Variants in ANKRD44 observed in about 807,000 individuals in gnomAD.
ANKRD44 encodes the protein ankyrin repeat domain 44.
A neutral mutation model predicts 116.0 loss-of-function variants in ANKRD44; 35 were observed. The ratio of observed to expected loss-of-function variants is 0.30; its 90% CI spans 0.23 to 0.40. ANKRD44 has a LOEUF of 0.40. ANKRD44 is among the 10% of genes least tolerant of loss of function. ANKRD44 has a pLI of 1.00. For missense variants in ANKRD44, 1,014 were observed against 1,242.6 expected (o/e 0.82, Z 2.77); for synonymous variants, 435 against 461.8 (o/e 0.94, Z 0.74).
At chr2:197,306,397 T>C (rs2084075941) in intron 1 of ANKRD44, among the ~76,000 whole-genome samples, 1 of 152,064 alleles carries the variant, frequency 6.6e-6, no homozygotes, top group Non-Finnish European at 1.5e-5. Context: ...ACCACCTACC[T>C]CCTAGTGTGG....
intron 16 of ANKRD44, among the ~76,000 whole-genome samples, chr2:197,059,283 G>A (rs1189705456): frequency 6.6e-6 from 1 of 152,136 alleles, no homozygotes; most frequent in East Asian, 1.9e-4. Flanking sequence ...ATTTGCAATG[G>A]AAAAAGTACA....
intron 21 of ANKRD44, among the ~76,000 whole-genome samples, chr2:196,970,484 C>T (rs1197930111): frequency 2.0e-5 from 3 of 152,096 alleles, no homozygotes; most frequent in East Asian, 1.9e-4. Flanking sequence ...TTTGATGGCT[C>T]TTATTGGAGC....
At chr2:197,210,965 G>A (rs2081311052) in intron 1 of ANKRD44, among the ~76,000 whole-genome samples, 2 of 152,088 alleles carry the variant, frequency 1.3e-5, no homozygotes. Context: ...GTTTACCTGG[G>A]GATCACACAC....
chr2:197,070,128 T>C (rs953231784), intron 16 of ANKRD44, among the ~76,000 whole-genome samples: 3 of 152,224 alleles, frequency 2.0e-5, no homozygotes, highest in Non-Finnish European at 4.4e-5. Flanking sequence ...TTATGACTTC[T>C]AGGATTTTTT....
intron 16 of ANKRD44, among the ~76,000 whole-genome samples, chr2:197,076,171 A>G (rs1401774353): frequency 1.3e-5 from 2 of 152,202 alleles, no homozygotes; most frequent in African/African-American, 2.4e-5. Context: ...CAAATAACCT[A>G]TGAAGAGCTA....
intron 1 of ANKRD44, among the ~76,000 whole-genome samples, chr2:197,265,451 T>C (rs1208387496): frequency 1.3e-5 from 2 of 152,138 alleles, no homozygotes; most frequent in Admixed American, 1.3e-4. Context: ...TTCACCATGT[T>C]GGCCAGGCTG....
chr2:197,065,444 A>G (rs1427958155), intron 16 of ANKRD44, among the ~76,000 whole-genome samples: 1 of 152,240 alleles, frequency 6.6e-6, no homozygotes, highest in Non-Finnish European at 1.5e-5. Flanking sequence ...AGAAATAACT[A>G]AGATCAGAGC....
intron 1 of ANKRD44, among the ~76,000 whole-genome samples, chr2:197,283,969 T>A (rs2083335474): frequency 6.6e-6 from 1 of 152,222 alleles, no homozygotes; most frequent in African/African-American, 2.4e-5. Context: ...AGGTACCAGA[T>A]ACAGAGAGAT....
At chr2:197,225,102 G>T (rs1310519454) in intron 1 of ANKRD44, among the ~76,000 whole-genome samples, 1 of 152,134 alleles carries the variant, frequency 6.6e-6, no homozygotes, top group Non-Finnish European at 1.5e-5. Flanking sequence ...GATTTACTAT[G>T]ACCCACTTCT....
intron 9 of ANKRD44, among the ~76,000 whole-genome samples, chr2:197,100,656 G>T (rs980829751): frequency 6.6e-6 from 1 of 152,136 alleles, no homozygotes; most frequent in Non-Finnish European, 1.5e-5. Flanking sequence ...AACCAAAGGG[G>T]ATGGACAGTT....
At chr2:197,276,250 G>A (rs1167426969) in intron 1 of ANKRD44, among the ~76,000 whole-genome samples, 1 of 126,486 alleles carries the variant, frequency 7.9e-6, no homozygotes, top group Non-Finnish European at 1.6e-5. Flanking sequence ...ACTCCAGCAT[G>A]AGCAAAAAGA....
intron 1 of ANKRD44, among the ~76,000 whole-genome samples, chr2:197,264,647 T>G (rs2082695543): frequency 1.3e-5 from 2 of 152,146 alleles, no homozygotes; most frequent in Non-Finnish European, 2.9e-5. Context: ...CTAGCACCCA[T>G]CCAGTAAAGG....
intron 1 of ANKRD44, among the ~76,000 whole-genome samples, 157 bp downstream of exon 1, chr2:197,310,421 C>T (rs1200324204): frequency 2.7e-5 from 4 of 147,338 alleles, no homozygotes; most frequent in East Asian, 2.0e-4. Flanking sequence ...GAGCTGCCGC[C>T]GCGGGCTCTC....
At chr2:197,051,546 G>C (rs1035414292) in intron 16 of ANKRD44, among the ~76,000 whole-genome samples, 1 of 152,164 alleles carries the variant, frequency 6.6e-6, no homozygotes, top group African/African-American at 2.4e-5. Flanking sequence ...GGTGTTACAG[G>C]TGCACAACAC....
chr2:197,053,101 G>T (rs1346146208), intron 16 of ANKRD44, among the ~76,000 whole-genome samples: 3 of 152,132 alleles, frequency 2.0e-5, no homozygotes, highest in Non-Finnish European at 4.4e-5. Context: ...AACCCAGGAG[G>T]TGGAGGCTGT....
chr2:197,015,382 AGAG>A, intron 17 of ANKRD44: 1 of 585,816 alleles, frequency 1.7e-6, no homozygotes, highest in South Asian at 1.6e-5. Flanking sequence ...GGAAAAAAAG[AGAG>A]GATTTGCTTT....
intron 1 of ANKRD44, among the ~76,000 whole-genome samples, chr2:197,264,930 T>C (rs2082703053): frequency 6.6e-6 from 1 of 152,146 alleles, no homozygotes; most frequent in Admixed American, 6.5e-5. Context: ...TAAAAGACAC[T>C]AAAAGTTCTC....
intron 16 of ANKRD44, among the ~76,000 whole-genome samples, chr2:197,042,243 G>A (rs1193595115): frequency 6.6e-6 from 1 of 152,016 alleles, no homozygotes; most frequent in Non-Finnish European, 1.5e-5. Flanking sequence ...ATTTGAAGGG[G>A]TTCCTGGTAG....
At chr2:197,022,474 G>T (rs1195085049) in intron 17 of ANKRD44, among the ~76,000 whole-genome samples, 1 of 152,158 alleles carries the variant, frequency 6.6e-6, no homozygotes, top group African/African-American at 2.4e-5. Context: ...GTCCCCATGA[G>T]ATCTGTGGTG....
Sources: allele counts gnomAD v4.1 joint callset (sites outside exome capture counted in the v4.1 genomes callset), GRCh38; gene constraint gnomAD v4.1.1; transcripts MANE v1.5; gene names NCBI Gene and HGNC (gene_info 2026-07-23, HGNC 2026-07-21).